Variants in SPAM1 observed in about 807,000 individuals in gnomAD.
The protein encoded by SPAM1 is hyaluronidase PH-20.
SPAM1 carries 22 observed loss-of-function variants against 29.6 expected under a neutral mutation model. The ratio of observed to expected loss-of-function variants is 0.74; its 90% CI spans 0.53 to 1.06. The LOEUF (loss-of-function observed/expected upper bound fraction) is 1.06, where lower values mean the gene tolerates loss of function less well. Ranked by LOEUF, SPAM1 falls within the 50% of genes least tolerant of loss-of-function variation. SPAM1 has a pLI of 0.00. For synonymous variants in SPAM1, 194 were observed against 204.6 expected (o/e 0.95, Z 0.44); for missense variants, 534 against 604.0 (o/e 0.88, Z 1.21).
rs754091551 is a variant in SPAM1, at chr7:123,954,466, C to T, written c.896C>T (p.Pro299Leu). 5.6e-6 allele frequency: 9 copies of T among 1,612,924 alleles called. No individual in the cohort carries two copies. Among genetic ancestry groups the T allele is most frequent in the South Asian group, 4.4e-5 (4 of 91,014 alleles). ...SKIPDAKSPL[P>L]VFAYTRIVFT... ...ATACCTGATGCAAAAAGTCCACTTCCGGTTTTTGCATATACCCGCATAGTT... is the reference window on the plus strand; with the variant it reads ...ATACCTGATGCAAAAAGTCCACTTCTGGTTTTTGCATATACCCGCATAGTT... The change falls in exon 3 of 5, where the codon CCG (proline) becomes CTG (leucine). Residue 299 changes from proline (P) to leucine (L), a missense_variant. Physicochemically the swap from Pro to Leu is moderately conservative, Grantham distance 98. Coordinates refer to ENST00000682466, the MANE Select transcript of SPAM1 (RefSeq NM_153189.3).
chr7:123,942,504 C>T (rs1010730372), intron 1 of SPAM1, among the ~76,000 whole-genome samples: 5 of 152,190 alleles, frequency 3.3e-5, no homozygotes, highest in African/African-American at 7.2e-5. Context: ...TCTTATTATA[C>T]TTGGCCATAG....
At chr7:123,937,273 A>G (rs1808268537) in intron 1 of SPAM1, among the ~76,000 whole-genome samples, 1 of 152,146 alleles carries the variant, frequency 6.6e-6, no homozygotes. Context: ...TCCAGGGGAA[A>G]TAACTCTACA....
intron 5 of SPAM1, among the ~76,000 whole-genome samples, chr7:123,969,994 G>T (rs12706563): frequency 0.18 from 26,669 of 151,798 alleles, 2,662 homozygotes; most frequent in African/African-American, 0.28. Context: ...AGTGGTGGTC[G>T]TAGGAATTAA....
intron 4 of SPAM1, among the ~76,000 whole-genome samples, chr7:123,956,718 C>T (rs1319078923): frequency 6.6e-6 from 1 of 151,962 alleles, no homozygotes; most frequent in Non-Finnish European, 1.5e-5. Context: ...ATGATCCATG[C>T]TCTTGAGATT....
Position 123,954,320 on chromosome 7 carries a change from C to T in SPAM1, c.750C>T (p.Ser250=), listed in dbSNP as rs1792193863. 1.2e-6 allele frequency: 2 copies of T among 1,612,790 alleles called. No individual in the cohort carries two copies. The highest frequency in any genetic ancestry group is 1.3e-5 in the African/African-American group (1 of 74,842). ...AAATAAAAAGAAATGATGATCTCAG[C>T]TGGTTGTGGAATGAAAGCACTGCTC... ...NVEIKRNDDL[S]WLWNESTALY... is the part of the protein sequence containing the mutation. Residue 250 remains serine (S), a synonymous_variant, in exon 3 of 5, where the codon AGC becomes AGT. Coordinates refer to ENST00000682466, the MANE Select transcript of SPAM1 (RefSeq NM_153189.3).
intron 1 of SPAM1, among the ~76,000 whole-genome samples, chr7:123,933,184 G>A (rs967044626): frequency 6.6e-6 from 1 of 151,358 alleles, no homozygotes; most frequent in Non-Finnish European, 1.5e-5. Context: ...TAAGCCTCGC[G>A]TGCATTAGGT....
At chr7:123,941,911 T>C (rs1200400110) in intron 1 of SPAM1, among the ~76,000 whole-genome samples, 1 of 152,128 alleles carries the variant, frequency 6.6e-6, no homozygotes, top group Non-Finnish European at 1.5e-5. Flanking sequence ...TTAGTAAAGC[T>C]CATTTTTAGC....
chr7:123,968,718 G>A (rs1367674754), intron 5 of SPAM1, among the ~76,000 whole-genome samples: 1 of 151,914 alleles, frequency 6.6e-6, no homozygotes, highest in Non-Finnish European at 1.5e-5. Context: ...ATGGTTTCTA[G>A]AGCCAGACTA....
At chr7:123,937,622 C>A (rs1006238666) in intron 1 of SPAM1, among the ~76,000 whole-genome samples, 9 of 146,498 alleles carry the variant, frequency 6.1e-5, no homozygotes, top group African/African-American at 2.0e-4. Flanking sequence ...AAAAAAGACG[C>A]TTCATAGGTA....
chr7:123,940,882 A>C (rs1808407227), intron 1 of SPAM1, among the ~76,000 whole-genome samples: 1 of 152,214 alleles, frequency 6.6e-6, no homozygotes, highest in Non-Finnish European at 1.5e-5. Flanking sequence ...TGAAGAATTC[A>C]ATATTTCCAA....
intron 5 of SPAM1, among the ~76,000 whole-genome samples, chr7:123,966,730 A>G (rs956532248): frequency 6.6e-6 from 1 of 152,018 alleles, no homozygotes; most frequent in African/African-American, 2.4e-5. Flanking sequence ...GAACACATGG[A>G]CACACTGGGA....
intron 1 of SPAM1, among the ~76,000 whole-genome samples, chr7:123,947,480 T>A (rs1286356449): frequency 6.6e-6 from 1 of 151,664 alleles, no homozygotes; most frequent in Non-Finnish European, 1.5e-5. Flanking sequence ...AGCTTGGGAG[T>A]TGGAGGTTGT....
intron 1 of SPAM1, among the ~76,000 whole-genome samples, chr7:123,935,932 G>T (rs543435948): frequency 1.3e-5 from 2 of 151,680 alleles, no homozygotes; most frequent in African/African-American, 4.8e-5. Flanking sequence ...TTTTTTAAAG[G>T]CTTATTACAA....
chr7:123,935,004 A>C (rs1334003677), intron 1 of SPAM1, among the ~76,000 whole-genome samples: 1 of 152,212 alleles, frequency 6.6e-6, no homozygotes, highest in Non-Finnish European at 1.5e-5. Flanking sequence ...GATTGTTCAT[A>C]ATATGAATGA....
chr7:123,969,944 G>A (rs1792476071), intron 5 of SPAM1, among the ~76,000 whole-genome samples: 2 of 152,028 alleles, frequency 1.3e-5, no homozygotes, highest in South Asian at 4.1e-4. Context: ...GAACCTCAGA[G>A]CTAGCTCTGT....
At chr7:123,962,527 T>C (rs966187594), downstream of SPAM1, among the ~76,000 whole-genome samples, 1 of 151,936 alleles carries the variant, frequency 6.6e-6, no homozygotes, top group East Asian at 1.9e-4. Flanking sequence ...TATAGTCCCA[T>C]TTGCCTATTT....
At chr7:123,933,549 A>G (rs1808155694) in intron 1 of SPAM1, among the ~76,000 whole-genome samples, 1 of 152,158 alleles carries the variant, frequency 6.6e-6, no homozygotes, top group Admixed American at 6.6e-5. Context: ...TAGGAAATGT[A>G]TTGGGGAACT....
intron 2 of SPAM1, among the ~76,000 whole-genome samples, chr7:123,950,672 A>C (rs1470929585): frequency 1.3e-5 from 2 of 152,172 alleles, no homozygotes; most frequent in Non-Finnish European, 2.9e-5. Context: ...AATGAGGAAC[A>C]CTTAGGTTGA....
chr7:123,946,703 AC>A (rs1338751711), intron 1 of SPAM1, among the ~76,000 whole-genome samples: 1 of 152,116 alleles, frequency 6.6e-6, no homozygotes, highest in Admixed American at 6.5e-5. Context: ...TAGATAAGAG[AC>A]AAAAGGTTGC....
Sources: allele counts gnomAD v4.1 joint callset (sites outside exome capture counted in the v4.1 genomes callset), GRCh38; gene constraint gnomAD v4.1.1; transcripts MANE v1.5; gene names NCBI Gene and HGNC (gene_info 2026-07-23, HGNC 2026-07-21).